NPAS2: variants seen among roughly 807,000 people sequenced by gnomAD.
The protein encoded by NPAS2 is neuronal PAS domain-containing protein 2.
A neutral mutation model predicts 107.5 loss-of-function variants in NPAS2; 23 were observed. The ratio of observed to expected loss-of-function variants is 0.21; its 90% CI spans 0.15 to 0.30. The LOEUF (loss-of-function observed/expected upper bound fraction) is 0.30, where lower values mean the gene tolerates loss of function less well. Ranked by LOEUF, NPAS2 falls within the 10% of genes least tolerant of loss-of-function variation. NPAS2 has a pLI of 1.00. For missense variants in NPAS2, 756 were observed against 1,043.3 expected, an observed-to-expected ratio of 0.72 and a Z score of 3.79; for synonymous variants, 403 against 417.5, an observed-to-expected ratio of 0.97 and a Z score of 0.42.
chr2:100,942,084 T>TA (rs906796883), intron 5 of NPAS2, among the ~76,000 whole-genome samples: 11 of 152,130 alleles, frequency 7.2e-5, no homozygotes, highest in African/African-American at 2.7e-4. Context: ...TGTGCATGGA[T>TA]AACCCTACCT....
Position 100,995,646 on chromosome 2 carries a change from G to T in NPAS2, c.*64G>T, listed in dbSNP as rs1678409564. The T allele has an allele frequency of 1.6e-5, 25 of 1,561,618 alleles. No homozygotes were observed. Among genetic ancestry groups the T allele is most frequent in the Non-Finnish European group, 2.1e-5 (24 of 1,153,408 alleles). ...CAATGGATGAGGGGGGTGGCCACAGGAGATGGGGAGAGGAGTCTGAACTAA... is the reference window on the plus strand; with the variant it reads ...CAATGGATGAGGGGGGTGGCCACAGTAGATGGGGAGAGGAGTCTGAACTAA... On this transcript the variant is annotated 3_prime_UTR_variant, in exon 21 of 21. Transcript: ENST00000335681.
intron 7 of NPAS2, among the ~76,000 whole-genome samples, chr2:100,959,671 G>A (rs896944712): frequency 2.0e-5 from 3 of 152,170 alleles, no homozygotes; most frequent in African/African-American, 4.8e-5. Context: ...TTCCTGGAGC[G>A]AAACCTCATC....
At chr2:100,987,010 C>T (rs1011128132) in intron 16 of NPAS2, 2 of 152,272 alleles carry the variant, frequency 1.3e-5, no homozygotes, top group African/African-American at 2.4e-5. Context: ...GATCTTGGCT[C>T]ACTGCAACCT....
chr2:100,856,677 G>C (rs1678588686), intron 1 of NPAS2, among the ~76,000 whole-genome samples: 1 of 137,682 alleles, frequency 7.3e-6, no homozygotes, highest in Non-Finnish European at 1.5e-5. Context: ...TCGGACTTCG[G>C]AAGCAATGTA....
chr2:100,994,413 T>C (rs1678324706), intron 20 of NPAS2: 1 of 152,282 alleles, frequency 6.6e-6, no homozygotes, highest in Admixed American at 6.5e-5. Context: ...ACTCAGACTT[T>C]GGCTTTGCAG....
At chr2:100,910,523 C>CTTT (rs5832943) in intron 2 of NPAS2, among the ~76,000 whole-genome samples, 7 of 138,418 alleles carry the variant, frequency 5.1e-5, no homozygotes, top group Admixed American at 1.4e-4. Flanking sequence ...ATGACATCTT[C>CTTT]TTTTTTTTTT....
rs2104973680 is a variant in NPAS2 at position 100,937,699 on chromosome 2, T to C, written c.274-54T>C. 4 of 1,229,976 alleles carry C rather than the reference T, an allele frequency of 3.3e-6. No homozygotes were observed. The South Asian group carries it at 4.8e-5, about 15-fold the overall frequency. 76.2% of individuals were successfully genotyped at this position (1,229,976 alleles called of 1,614,324 possible). A position where few individuals can be genotyped will look rare whatever the true frequency, so the allele number is the denominator to read the frequency against. On this transcript the variant is annotated intron_variant, in intron 4 of 20. Transcript: ENST00000335681. ...AATAGTGTCCTCTGCATCAGTGACATGCTCCTCCATAAACGCATTGCTAAG... is the reference window on the plus strand; with the variant it reads ...AATAGTGTCCTCTGCATCAGTGACACGCTCCTCCATAAACGCATTGCTAAG...
At chr2:100,840,471 C>T (rs1045758446) in intron 1 of NPAS2, among the ~76,000 whole-genome samples, 3 of 152,098 alleles carry the variant, frequency 2.0e-5, no homozygotes, top group African/African-American at 7.2e-5. Context: ...TAAAATTATT[C>T]ATTTTTAGGT....
At chr2:100,937,383 G>A (rs1311215328) in intron 4 of NPAS2, among the ~76,000 whole-genome samples, 2 of 152,232 alleles carry the variant, frequency 1.3e-5, no homozygotes, top group South Asian at 4.1e-4. Flanking sequence ...GGGGTAGGGA[G>A]ATGGGAACCA....
chr2:100,878,250 G>A, intron 1 of NPAS2: 3 of 985,402 alleles, frequency 3.0e-6, no homozygotes, highest in Non-Finnish European at 3.6e-6. Context: ...AAATATAGAG[G>A]ACTGTCCGAG....
chr2:100,898,413 G>A (rs1198514915), intron 1 of NPAS2, among the ~76,000 whole-genome samples: 1 of 152,154 alleles, frequency 6.6e-6, no homozygotes, highest in East Asian at 1.9e-4. Flanking sequence ...GCTGTGCAAC[G>A]ACTTAGAATG....
intron 1 of NPAS2, among the ~76,000 whole-genome samples, chr2:100,844,844 G>A (rs900222032): frequency 9.2e-5 from 14 of 152,246 alleles, no homozygotes; most frequent in African/African-American, 2.4e-4. Context: ...TGCCACTTTC[G>A]TTAGAGAAGG....
At chr2:100,990,588 G>A (rs1678053598) in intron 18 of NPAS2, 142 bp downstream of exon 18, 2 of 1,079,386 alleles carry the variant, frequency 1.9e-6, no homozygotes, top group African/African-American at 3.1e-5. Flanking sequence ...GGAAGCAGAG[G>A]ACAGGGCTTG....
chr2:100,877,950 C>T, intron 1 of NPAS2: 1 of 984,558 alleles, frequency 1.0e-6, no homozygotes, highest in Non-Finnish European at 1.2e-6. Context: ...TGAAACACTA[C>T]ATAAAAAGTG....
At chr2:100,917,777 G>A (rs541111354) in intron 2 of NPAS2, among the ~76,000 whole-genome samples, 2 of 152,088 alleles carry the variant, frequency 1.3e-5, no homozygotes, top group Non-Finnish European at 2.9e-5. Flanking sequence ...AAAACCTAGA[G>A]TCCTATAACT....
chr2:100,857,166 C>T (rs895115632), intron 1 of NPAS2, among the ~76,000 whole-genome samples: 7 of 151,994 alleles, frequency 4.6e-5, no homozygotes, highest in African/African-American at 1.4e-4. Flanking sequence ...ATTAGCCAGG[C>T]GGGCGCCTAT....
chr2:100,861,183 G>T (rs544083564), intron 1 of NPAS2, among the ~76,000 whole-genome samples: 2 of 152,032 alleles, frequency 1.3e-5, no homozygotes, highest in African/African-American at 4.8e-5. Flanking sequence ...GGCTCTTTTC[G>T]AGAAGAGTGA....
chr2:100,939,599 G>T (rs2104989116), intron 5 of NPAS2, among the ~76,000 whole-genome samples: 1 of 152,270 alleles, frequency 6.6e-6, no homozygotes, highest in South Asian at 2.1e-4. Flanking sequence ...TTCTTTGGAG[G>T]GCGCTTGTGT....
intron 1 of NPAS2, among the ~76,000 whole-genome samples, chr2:100,879,647 C>T (rs6750976): frequency 0.54 from 82,628 of 152,094 alleles, 25,411 homozygotes; most frequent in Non-Finnish European, 0.7. Context: ...CAGGCCCGAC[C>T]ATGTTGTGGG....
Sources: allele counts gnomAD v4.1 joint callset (sites outside exome capture counted in the v4.1 genomes callset), GRCh38; gene constraint gnomAD v4.1.1; transcripts MANE v1.5; gene names NCBI Gene and HGNC (gene_info 2026-07-23, HGNC 2026-07-21).